Variants in LAMA2 observed in about 807,000 individuals in gnomAD.
LAMA2 encodes the protein laminin subunit alpha 2, also known as laminin subunit alpha-2.
LAMA2 carries 269 observed loss-of-function variants against 364.8 expected under a neutral mutation model. The observed-to-expected ratio is 0.74, with a 90% CI of 0.67 to 0.82. LAMA2 has a LOEUF of 0.82. Among genes scored for constraint, LAMA2 ranks in the 40% least tolerant of loss-of-function variants. The pLI, the probability that LAMA2 is intolerant of heterozygous loss-of-function variation, is 0.00. For synonymous variants in LAMA2, 1,379 were observed against 1,370.6 expected (o/e 1.01, Z -0.14); for missense variants, 3,807 against 3,873.2 (o/e 0.98, Z 0.45).
intron 14 of LAMA2, among the ~76,000 whole-genome samples, chr6:129,255,183 A>G (rs112432670): frequency 0.088 from 13,348 of 151,842 alleles, 1,904 homozygotes; most frequent in African/African-American, 0.31. Context: ...TGAGGCAGGC[A>G]GATCACGAGG....
At chr6:129,035,598 G>A (rs946516824) in intron 1 of LAMA2, among the ~76,000 whole-genome samples, 5 of 145,262 alleles carry the variant, frequency 3.4e-5, no homozygotes, top group Admixed American at 2.1e-4. Context: ...GGCCAATGTC[G>A]AGAATAATTT....
intron 12 of LAMA2, among the ~76,000 whole-genome samples, chr6:129,231,286 A>G (rs1361687290): frequency 1.3e-5 from 2 of 152,160 alleles, no homozygotes; most frequent in Non-Finnish European, 2.9e-5. Flanking sequence ...TACTGAACAC[A>G]TAGGAATTGC....
intron 18 of LAMA2, among the ~76,000 whole-genome samples, chr6:129,287,019 AGAGG>A (rs199575580): frequency 0.26 from 1,689 of 6,536 alleles, 136 homozygotes; most frequent in African/African-American, 0.37. Context: ...AAGGAGGGAG[AGAGG>A]GAGGGAGGGA....
At chr6:129,435,414 G>T (rs1434927764) in intron 41 of LAMA2, among the ~76,000 whole-genome samples, 2 of 152,068 alleles carry the variant, frequency 1.3e-5, no homozygotes, top group South Asian at 2.1e-4. Context: ...CCTATCCAAA[G>T]ATTTTATTTT....
chr6:128,969,134 A>G (rs1282888392), intron 1 of LAMA2, among the ~76,000 whole-genome samples: 1 of 152,196 alleles, frequency 6.6e-6, no homozygotes, highest in Non-Finnish European at 1.5e-5. Flanking sequence ...AACACTATCA[A>G]TTCTGGCTAA....
chr6:129,269,148 C>T (rs1442820207), intron 16 of LAMA2, among the ~76,000 whole-genome samples: 1 of 152,056 alleles, frequency 6.6e-6, no homozygotes, highest in African/African-American at 2.4e-5. Context: ...AGAACAAAAT[C>T]TAAACTTCTG....
At chr6:129,291,826 A>T in intron 20 of LAMA2, 106 bp downstream of exon 20, 1 of 789,656 alleles carries the variant, frequency 1.3e-6, no homozygotes, top group Non-Finnish European at 2.2e-6. Flanking sequence ...AAGGTTTGGG[A>T]TTATCTAATT....
At chr6:129,476,779 A>C (rs1339477281) in intron 53 of LAMA2, among the ~76,000 whole-genome samples, 1 of 149,658 alleles carries the variant, frequency 6.7e-6, no homozygotes, top group Non-Finnish European at 1.5e-5. Context: ...CTCACCCTAC[A>C]GTTGGGCATG....
chr6:129,113,253 T>G (rs2114904539), intron 4 of LAMA2, among the ~76,000 whole-genome samples: 1 of 152,184 alleles, frequency 6.6e-6, no homozygotes, highest in East Asian at 1.9e-4. Flanking sequence ...CCAGTGTTTT[T>G]GTAAATCTTT....
intron 12 of LAMA2, among the ~76,000 whole-genome samples, chr6:129,218,664 A>T (rs908551252): frequency 1.3e-5 from 2 of 152,210 alleles, no homozygotes; most frequent in African/African-American, 4.8e-5. Context: ...ATCCACTCAT[A>T]GGTAGAATAA....
intron 14 of LAMA2, among the ~76,000 whole-genome samples, chr6:129,256,613 C>A (rs2114304572): frequency 6.6e-6 from 1 of 151,658 alleles, no homozygotes; most frequent in East Asian, 1.9e-4. Flanking sequence ...AAGAAGGAAG[C>A]AATGAATTCT....
intron 1 of LAMA2, among the ~76,000 whole-genome samples, chr6:128,910,556 T>A: frequency 6.6e-6 from 1 of 151,854 alleles, no homozygotes; most frequent in Non-Finnish European, 1.5e-5. Flanking sequence ...TTTTCAAAGT[T>A]TTCAACTTCT....
chr6:129,087,216 C>G (rs1774436760), intron 3 of LAMA2, among the ~76,000 whole-genome samples: 1 of 152,184 alleles, frequency 6.6e-6, no homozygotes. Flanking sequence ...TAGCCTATCT[C>G]ATTTCAATTT....
intron 9 of LAMA2, among the ~76,000 whole-genome samples, chr6:129,168,700 A>G (rs1779923796): frequency 7.0e-6 from 1 of 143,870 alleles, no homozygotes; most frequent in South Asian, 2.4e-4. Flanking sequence ...AATTCTGTGA[A>G]GAAAGGCATT....
intron 37 of LAMA2, among the ~76,000 whole-genome samples, chr6:129,394,491 T>C (rs1163288840): frequency 6.6e-6 from 1 of 152,222 alleles, no homozygotes; most frequent in Non-Finnish European, 1.5e-5. Flanking sequence ...TCTGGTAGAA[T>C]ATTGAAGAGG....
chr6:129,361,765 A>G (rs747079932), intron 32 of LAMA2, among the ~76,000 whole-genome samples: 6 of 150,762 alleles, frequency 4.0e-5, no homozygotes, highest in Non-Finnish European at 7.4e-5. Flanking sequence ...GGTGTGGCAA[A>G]GAAGTATTAA....
At position 129,192,830 on chromosome 6, in the gene LAMA2, C is replaced by T. The variant is rs1781607886; in HGVS notation, c.1759C>T (p.Pro587Ser). The T allele has an allele frequency of 6.2e-7, 1 of 1,613,904 alleles. No individual in the cohort carries two copies. Among genetic ancestry groups the T allele is most frequent in the African/African-American group, 1.3e-5 (1 of 74,916 alleles). Residue 587 changes from proline to serine, a missense_variant, in exon 12 of 65, where the codon CCG becomes TCG. Pro to Ser is a moderately conservative substitution (Grantham distance 74, BLOSUM62 -1). Around this residue, in one of 3 missense-constraint regions of LAMA2, gnomAD observed 3,333 missense variants for 3,345.7 expected, o/e 1.00. Transcript: ENST00000421865. The stretch of plus-strand genomic sequence containing the variant: ...GCCGCACAGCTACTACTGGAGCGCG[C>T]CGGCTCCCTATCTGGGAAACAAAGT... ...ALPHSYYWSA[P>S]APYLGNKLPA...
At chr6:128,929,826 G>T (rs937960188) in intron 1 of LAMA2, 1 of 1,039,988 alleles carries the variant, frequency 9.6e-7, no homozygotes, top group Non-Finnish European at 1.5e-6. Context: ...TAGAAGATAC[G>T]CAGTCCCTTG....
chr6:129,427,537 A>G (rs1340057442), intron 40 of LAMA2, among the ~76,000 whole-genome samples: 1 of 152,168 alleles, frequency 6.6e-6, no homozygotes, highest in Non-Finnish European at 1.5e-5. Context: ...TAAACATTGA[A>G]GTTCCTAAGA....
Sources: allele counts gnomAD v4.1 joint callset (sites outside exome capture counted in the v4.1 genomes callset), GRCh38; gene constraint gnomAD v4.1.1; regional missense constraint gnomAD v4.1.1; transcripts MANE v1.5; gene names NCBI Gene and HGNC (gene_info 2026-07-23, HGNC 2026-07-21).